ZNF331: variants seen among roughly 807,000 people sequenced by gnomAD.
ZNF331 encodes the protein C2H2-like zinc finger protein rearranged in thyroid adenomas.
A neutral mutation model predicts 7.0 loss-of-function variants in ZNF331; 2 were observed. The observed-to-expected ratio is 0.29, with a 90% CI of 0.12 to 0.90. The LOEUF is 0.90. Among genes scored for constraint, ZNF331 ranks in the 40% least tolerant of loss-of-function variants. ZNF331 has a pLI of 0.58. For synonymous variants in ZNF331, 196 were observed against 205.4 expected (o/e 0.95, Z 0.39); for missense variants, 432 against 587.7 (o/e 0.74, Z 2.74).
exon 1 of ZNF331, chr19:53,521,331 A>AGAGTGTGTGTGTGTGTGT (rs1555748072): frequency 7.7e-6 from 1 of 129,114 alleles, no homozygotes; most frequent in Non-Finnish European, 1.7e-5. Flanking sequence ...AGTGTGTGTG[A>AGAGTGTGTGTGTGTGTGT]GTGTGTGTGT....
At chr19:53,570,335 T>C (rs1439279556) in intron 4 of ZNF331, among the ~76,000 whole-genome samples, 2 of 151,246 alleles carry the variant, frequency 1.3e-5, no homozygotes, top group African/African-American at 2.4e-5. Flanking sequence ...TCTTCCAGTA[T>C]GGAAGTAGGA....
At chr19:53,565,642 T>G (rs1403925020) in intron 3 of ZNF331, among the ~76,000 whole-genome samples, 1 of 152,112 alleles carries the variant, frequency 6.6e-6, no homozygotes, top group Non-Finnish European at 1.5e-5. Flanking sequence ...TTCTTGTGCC[T>G]CAGCTTCCCG....
rs1163531473 is a variant in ZNF331, at chr19:53,571,165, GC to G, written c.10-433del. The stretch of plus-strand genomic sequence containing the variant: ...CAAAGTGTTGGGATTACAGGCGTGA[GC>G]CCCCCGCCCAGCCCCAGCAAACCCT... On this transcript the variant is annotated intron_variant, in intron 4 of 5. Transcript: ENST00000449416. The surrounding 1 kb of genome is among the most constrained non-coding windows in gnomAD (Gnocchi z 4.7). 6.6e-6 allele frequency among the ~76,000 whole-genome samples: 1 copy of G among 152,034 alleles called. No homozygotes were observed. The highest frequency in any genetic ancestry group is 2.4e-5 in the African/African-American group (1 of 41,406).
In ZNF331 at chr19:53,577,632, A is replaced by T; in HGVS notation, c.1072A>T (p.Thr358Ser). 6.2e-7 allele frequency: 1 copy of T among 1,613,888 alleles called. No individual in the cohort carries two copies. The highest frequency in any genetic ancestry group is 2.2e-5 in the East Asian group (1 of 44,860). The stretch of plus-strand genomic sequence containing the variant: ...TACGGGCGAGAAGCCGTACAAGTGC[A>T]CAGAATGTGGGAAGGCCTTCAATTG... ...IHTGEKPYKCTECGKAFNCGY... is the reference protein window; with the variant it reads ...IHTGEKPYKCSECGKAFNCGY... Residue 358 changes from threonine to serine, a missense_variant, in exon 6 of 6, where the codon ACA (threonine) becomes TCA (serine). By Grantham distance (58) the Thr-to-Ser change is moderately conservative. Coordinates refer to ENST00000449416, the MANE Select transcript of ZNF331 (RefSeq NM_001079906.2).
chr19:53,550,529 C>CTTTTTTTTTTTTTTTTTTTT (rs60619357), intron 2 of ZNF331, among the ~76,000 whole-genome samples: 3 of 64,540 alleles, frequency 4.6e-5, no homozygotes, highest in African/African-American at 6.5e-5. Flanking sequence ...TCTATTTTGT[C>CTTTTTTTTTTTTTTTTTTTT]TTTTTTTTTT....
At chr19:53,544,646 G>A (rs905643301) in intron 2 of ZNF331, among the ~76,000 whole-genome samples, 6 of 151,672 alleles carry the variant, frequency 4.0e-5, no homozygotes, top group East Asian at 1.9e-4. Flanking sequence ...TATTTTTTTC[G>A]TTGTTGAAAC....
At chr19:53,556,123 G>A (rs1181517355) in intron 3 of ZNF331, among the ~76,000 whole-genome samples, 5 of 151,026 alleles carry the variant, frequency 3.3e-5, no homozygotes, top group African/African-American at 9.7e-5. Context: ...GGCGCCTGTA[G>A]TCCCAGCTAC....
chr19:53,536,179 T>A (rs993924032), upstream of ZNF331: 6 of 152,212 alleles, frequency 3.9e-5, no homozygotes, highest in Non-Finnish European at 8.8e-5. Flanking sequence ...AATAGCAGAC[T>A]TGTTACTTTT....
In ZNF331 at chr19:53,576,922, C is replaced by T. The variant is rs772690900; in HGVS notation, c.362C>T (p.Thr121Ile). Residue 121 changes from threonine (T) to isoleucine (I), a missense_variant, in exon 6 of 6, where the codon ACA becomes ATA. Transcript: ENST00000449416. ...ACTAGAGAAGGCACCCCTCCTAGAA[C>T]ACATCAGAGACATCATAAGGAGAAT... Reference protein sequence around the residue: ...PATREGTPPRTHQRHHKENSF... With the variant: ...PATREGTPPRIHQRHHKENSF... 9.3e-6 allele frequency: 15 copies of T among 1,614,064 alleles called. No homozygotes were observed. The highest frequency in any genetic ancestry group is 1.6e-4 in the Middle Eastern group (1 of 6,084).
In ZNF331 at chr19:53,544,355, C is replaced by T. The variant is rs536703891; in HGVS notation, c.-138+5073C>T. On this transcript the variant is annotated intron_variant, in intron 2 of 5. Transcript: ENST00000449416. ...GGTCAGGAGATGGAGACCATCCTGGCTAACACGGTGAAACCCCATCTCTAC... is the reference window on the plus strand; with the variant it reads ...GGTCAGGAGATGGAGACCATCCTGGTTAACACGGTGAAACCCCATCTCTAC... 4.6e-5 allele frequency among the ~76,000 whole-genome samples: 7 copies of T among 151,234 alleles called. No homozygotes were observed. The East Asian group carries it at 7.9e-4, about 17-fold the overall frequency.
At chr19:53,550,955 C>G (rs1488903711) in intron 2 of ZNF331, among the ~76,000 whole-genome samples, 1 of 151,636 alleles carries the variant, frequency 6.6e-6, no homozygotes, top group East Asian at 1.9e-4. Context: ...AGCTCTTCTC[C>G]TACCTCAGCC....
In ZNF331 at chr19:53,573,531, G is replaced by A. The variant is rs1355695632; in HGVS notation, c.136+1801G>A. Among the ~76,000 whole-genome samples the A allele has an allele frequency of 6.6e-6, 1 of 151,620 alleles. No individual in the cohort carries two copies. Among genetic ancestry groups the A allele is most frequent in the African/African-American group, 2.4e-5 (1 of 41,280 alleles). On this transcript the variant is annotated intron_variant, in intron 5 of 5. Coordinates refer to ENST00000449416, the MANE Select transcript of ZNF331 (RefSeq NM_001079906.2). The surrounding 1 kb of genome is among the most constrained non-coding windows in gnomAD (Gnocchi z 4.2). The stretch of plus-strand genomic sequence containing the variant: ...TACTCAGGCTGGAGTGCAGTGGCGC[G>A]ATCACAGCTCACAGCAGCCTCAACC...
intron 2 of ZNF331, among the ~76,000 whole-genome samples, chr19:53,531,156 TGA>T (rs1321844742): frequency 1.3e-5 from 2 of 152,150 alleles, no homozygotes; most frequent in African/African-American, 4.8e-5. Flanking sequence ...AAGCACGCCT[TGA>T]GAGGAGGAAT....
At position 53,558,786 on chromosome 19, in the gene ZNF331, A is replaced by G. The variant is rs2089592388; in HGVS notation, c.-74+2878A>G. ...AATTATGAGCCAGGAACCATGGACA[A>G]GAACATACAGACACACTCATACCCC... On this transcript the variant is annotated intron_variant, in intron 3 of 5. Coordinates refer to ENST00000449416, the MANE Select transcript of ZNF331 (RefSeq NM_001079906.2). The surrounding 1 kb of genome is among the most constrained non-coding windows in gnomAD (Gnocchi z 4.5). Among the ~76,000 whole-genome samples the G allele has an allele frequency of 1.3e-5, 2 of 151,816 alleles. No individual in the cohort carries two copies. The highest frequency in any genetic ancestry group is 1.3e-4 in the Admixed American group (2 of 15,240).
At chr19:53,540,682 C>T (rs1290042142) in intron 2 of ZNF331, among the ~76,000 whole-genome samples, 2 of 97,652 alleles carry the variant, frequency 2.0e-5, no homozygotes, top group African/African-American at 4.7e-5. Flanking sequence ...ATTAATTAGC[C>T]GGCCTCAGCC....
At chr19:53,511,289 A>G in the ZNF331 span, among the ~76,000 whole-genome samples, 1 of 152,286 alleles carries the variant, frequency 6.6e-6, no homozygotes, top group East Asian at 1.9e-4. Context: ...ATACCCAATT[A>G]CTTATATATT....
chr19:53,544,395 A>T, intron 2 of ZNF331, among the ~76,000 whole-genome samples: 1 of 148,084 alleles, frequency 6.8e-6, no homozygotes, highest in Non-Finnish European at 1.5e-5. Context: ...AATACAAAAA[A>T]TTAGCCGGGC....
rs1347736612 is a variant in ZNF331, at chr19:53,542,023, AC to A, written c.-138+2742del. The stretch of plus-strand genomic sequence containing the variant: ...TCTCAAAAAAAAAAACAAGAAAAAA[AC>A]ATCTGAAATGGTATTTATGTTTCTA... On this transcript the variant is annotated intron_variant, in intron 2 of 5. Coordinates refer to ENST00000449416, the MANE Select transcript of ZNF331 (RefSeq NM_001079906.2). 3.3e-5 allele frequency among the ~76,000 whole-genome samples: 5 copies of A among 151,994 alleles called. No homozygotes were observed. In the East Asian group the frequency reaches 7.7e-4, roughly 23 times the overall value.
At chr19:53,527,350 C>A (rs1266288290) in intron 2 of ZNF331, among the ~76,000 whole-genome samples, 1 of 151,968 alleles carries the variant, frequency 6.6e-6, no homozygotes, top group African/African-American at 2.4e-5. Context: ...ATGTCCACAC[C>A]CTAATTCATG....
Sources: gnomAD v4.1 joint callset for allele counts (sites outside exome capture counted in the v4.1 genomes callset) on GRCh38, gnomAD v4.1.1 for gene constraint, Gnocchi (gnomAD v3.1) non-coding constraint, MANE v1.5 for transcripts, NCBI Gene and HGNC (gene_info 2026-07-23, HGNC 2026-07-21) for gene names.